Variants in FRMD4A observed in about 807,000 individuals in gnomAD.
FRMD4A encodes the protein FERM domain containing 4A, also known as FERM domain-containing protein 4A.
Under a neutral mutation model 129.1 loss-of-function variants are expected in FRMD4A, and 29 were observed. The observed-to-expected ratio is 0.22, with a 90% CI of 0.17 to 0.31. FRMD4A has a LOEUF of 0.31. Ranked by LOEUF, FRMD4A falls within the 10% of genes least tolerant of loss-of-function variation. The pLI is 1.00. For missense variants in FRMD4A, 1,272 were observed against 1,375.8 expected, an observed-to-expected ratio of 0.92 and a Z score of 1.19; for synonymous variants, 634 against 571.6, an observed-to-expected ratio of 1.11 and a Z score of -1.56.
In FRMD4A at chr10:14,126,399, G is replaced by A. The variant is rs541398130; in HGVS notation, c.45+203659C>T. Among the ~76,000 whole-genome samples, 64 of 152,116 alleles carry A rather than the reference G, an allele frequency of 4.2e-4. 1 individual carries two copies. Among genetic ancestry groups the A allele is most frequent in the African/African-American group, 1.5e-3 (61 of 41,516 alleles). ...TTGGCCAGGATTGTCTTGATCTCTT[G>A]ACCTTGTGATCCACCTGCCTCAGCC... On this transcript the variant is annotated intron_variant, in intron 2 of 24. Coordinates refer to ENST00000357447, the MANE Select transcript of FRMD4A (RefSeq NM_018027.5).
intron 2 of FRMD4A, among the ~76,000 whole-genome samples, chr10:14,262,098 C>T (rs1844826634): frequency 6.6e-6 from 1 of 152,118 alleles, no homozygotes; most frequent in South Asian, 2.1e-4. Context: ...ATTTGAAGAG[C>T]AATCTTTGAT....
chr10:14,268,393 C>T (rs1845051395), intron 2 of FRMD4A, among the ~76,000 whole-genome samples: 1 of 152,232 alleles, frequency 6.6e-6, no homozygotes, highest in African/African-American at 2.4e-5. Flanking sequence ...TGTCATTAGT[C>T]TGATCAATGC....
Position 13,657,502 on chromosome 10 carries a change from G to A in FRMD4A, c.2087C>T (p.Thr696Ile). 1 of 1,600,760 alleles carries A rather than the reference G, an allele frequency of 6.2e-7. No individual in the cohort carries two copies. Among genetic ancestry groups the A allele is most frequent in the Non-Finnish European group, 8.5e-7 (1 of 1,176,004 alleles). ...HSTRSVDISP[T>I]RLHSLALHFR... ...GTGCAGTGCGAGGCTGTGCAGTCGG[G>A]TGGGGCTGATGTCCACCGACCTGCC... The change falls in exon 22 of 25, where the codon ACC (threonine) becomes ATC (isoleucine). Residue 696 changes from threonine (T) to isoleucine (I), a missense_variant. Physicochemically the swap from Thr to Ile is moderately conservative, Grantham distance 89 (BLOSUM62 -1). Transcript: ENST00000357447.
chr10:14,140,556 G>A (rs118022906), intron 2 of FRMD4A, among the ~76,000 whole-genome samples: 6 of 152,228 alleles, frequency 3.9e-5, no homozygotes, highest in Non-Finnish European at 7.4e-5. Flanking sequence ...CTCTGAGGCC[G>A]GGCATCAGCC....
At chr10:14,112,775 C>T (rs926388593) in intron 2 of FRMD4A, among the ~76,000 whole-genome samples, 3 of 152,220 alleles carry the variant, frequency 2.0e-5, no homozygotes, top group Non-Finnish European at 4.4e-5. Context: ...ATCCGCCTTC[C>T]TCGGCCTCTC....
At chr10:14,033,104 C>T (rs148041954) in intron 2 of FRMD4A, among the ~76,000 whole-genome samples, 209 of 152,188 alleles carry the variant, frequency 1.4e-3, no homozygotes, top group African/African-American at 4.9e-3. Flanking sequence ...GTCAGGAGTT[C>T]GAGATCAGCC....
chr10:13,848,769 G>A (rs184635246), intron 3 of FRMD4A, among the ~76,000 whole-genome samples: 84 of 152,234 alleles, frequency 5.5e-4, no homozygotes, highest in African/African-American at 1.9e-3. Context: ...AAAGCTTACC[G>A]ACTTTTCTAC....
intron 2 of FRMD4A, among the ~76,000 whole-genome samples, chr10:14,056,855 T>C (rs1338813431): frequency 1.3e-5 from 2 of 152,236 alleles, no homozygotes; most frequent in East Asian, 1.9e-4. Context: ...CTGTCATTCA[T>C]AAATTTGAAA....
Position 13,792,542 on chromosome 10 carries a change from G to C in FRMD4A, c.299+3954C>G, listed in dbSNP as rs2093026394. Among the ~76,000 whole-genome samples, 6 of 152,248 alleles carry C rather than the reference G, an allele frequency of 3.9e-5. No homozygotes were observed. In the South Asian group the frequency reaches 1.2e-3, roughly 32 times the overall value. On this transcript the variant is annotated intron_variant, in intron 5 of 24. Transcript: ENST00000357447. ...CCTTCGTAACTTATTAGCCATGCTG[G>C]GGAAGAATTTATGGACCATCCTGGG... is the stretch of plus-strand genomic sequence containing the variant.
At chr10:14,023,756 G>A (rs1035580026) in intron 2 of FRMD4A, among the ~76,000 whole-genome samples, 6 of 152,206 alleles carry the variant, frequency 3.9e-5, no homozygotes, top group Non-Finnish European at 5.9e-5. Context: ...AATCATCACA[G>A]GAATAGAAGT....
At chr10:14,248,686 A>G (rs1347972594) in intron 2 of FRMD4A, among the ~76,000 whole-genome samples, 1 of 152,228 alleles carries the variant, frequency 6.6e-6, no homozygotes, top group African/African-American at 2.4e-5. Flanking sequence ...GAATCTTCAC[A>G]GGGTTTGTTT....
chr10:13,926,474 C>T (rs2095134898), intron 2 of FRMD4A, among the ~76,000 whole-genome samples: 1 of 152,194 alleles, frequency 6.6e-6, no homozygotes, highest in Non-Finnish European at 1.5e-5. Flanking sequence ...AGCAACACAA[C>T]AGCAGTCCCA....
At chr10:14,038,424 C>T (rs1181531382) in intron 2 of FRMD4A, among the ~76,000 whole-genome samples, 3 of 152,152 alleles carry the variant, frequency 2.0e-5, no homozygotes, top group Non-Finnish European at 4.4e-5. Flanking sequence ...GCCACGCATA[C>T]CTGTTAGAGG....
chr10:13,921,960 C>T (rs992943518), intron 2 of FRMD4A, among the ~76,000 whole-genome samples: 1 of 152,144 alleles, frequency 6.6e-6, no homozygotes. Flanking sequence ...GGAGAGGAGG[C>T]CTTTGGTAGG....
chr10:14,296,088 C>G (rs1218464), intron 2 of FRMD4A, among the ~76,000 whole-genome samples: 36,195 of 150,452 alleles, frequency 0.24, 7,012 homozygotes, highest in African/African-American at 0.55. Context: ...CGCCTGGCGA[C>G]GGGGGGTCTC....
At chr10:13,825,446 G>A (rs1364218663) in intron 3 of FRMD4A, among the ~76,000 whole-genome samples, 2 of 152,154 alleles carry the variant, frequency 1.3e-5, no homozygotes, top group Non-Finnish European at 2.9e-5. Context: ...AGATTCTCCC[G>A]GGAACCCGAA....
At chr10:14,003,837 G>A (rs1041099968) in intron 2 of FRMD4A, among the ~76,000 whole-genome samples, 9 of 152,334 alleles carry the variant, frequency 5.9e-5, no homozygotes, top group South Asian at 2.1e-4. Context: ...GTATTGCAAA[G>A]TTATAGCAGT....
intron 2 of FRMD4A, among the ~76,000 whole-genome samples, chr10:14,004,744 G>C (rs2095655730): frequency 6.6e-6 from 1 of 152,124 alleles, no homozygotes; most frequent in South Asian, 2.1e-4. Context: ...AACCGAAGCT[G>C]AGAAAGTTTG....
intron 2 of FRMD4A, among the ~76,000 whole-genome samples, chr10:14,005,972 C>T (rs569419484): frequency 1.3e-5 from 2 of 152,252 alleles, no homozygotes; most frequent in Admixed American, 6.5e-5. Context: ...AAATGCCTGG[C>T]GCCCTTAGAG....
Sources: allele counts gnomAD v4.1 joint callset (sites outside exome capture counted in the v4.1 genomes callset), GRCh38; gene constraint gnomAD v4.1.1; transcripts MANE v1.5; gene names NCBI Gene and HGNC (gene_info 2026-07-23, HGNC 2026-07-21).